C1QTNF2: variants seen among roughly 807,000 people sequenced by gnomAD.
C1QTNF2 encodes the protein C1q and TNF related 2.
C1QTNF2 carries 15 observed loss-of-function variants against 17.4 expected under a neutral mutation model. The observed-to-expected ratio is 0.86, with a 90% CI of 0.58 to 1.33. The LOEUF is 1.33. C1QTNF2 is among the 40% of genes most tolerant of loss of function. The pLI is 0.00. For missense variants in C1QTNF2, 381 were observed against 392.3 expected (o/e 0.97, Z 0.24); for synonymous variants, 154 against 163.3 (o/e 0.94, Z 0.44).
In C1QTNF2 at chr5:160,349,846, G is replaced by A. The variant is rs1167665720; in HGVS notation, c.245-65C>T. The A allele has an allele frequency of 1.5e-5, 23 of 1,484,208 alleles. No individual in the cohort carries two copies. The highest frequency in any genetic ancestry group is 1.8e-4 in the Middle Eastern group (1 of 5,574). 91.9% of individuals were successfully genotyped at this position (1,484,208 alleles called of 1,614,324 possible). ...AGACCTAGGCAGAGGGGTGCGGTGC[G>A]GCTTGGTCTTCCAATCTTGGAGAAG... is the stretch of plus-strand genomic sequence containing the variant. On this transcript the variant is annotated intron_variant, in intron 2 of 2. Coordinates refer to ENST00000652664, the MANE Select transcript of C1QTNF2 (RefSeq NM_031908.6). The surrounding 1 kb of genome is among the most constrained non-coding windows in gnomAD (Gnocchi z 4.3).
At chr5:160,368,696 C>A (rs1052477276) in intron 1 of C1QTNF2, among the ~76,000 whole-genome samples, 3 of 152,132 alleles carry the variant, frequency 2.0e-5, no homozygotes, top group South Asian at 4.2e-4. Flanking sequence ...GACTCTGTTA[C>A]CCCACAGTGA....
At position 160,355,227 on chromosome 5, in the gene C1QTNF2, C is replaced by T. The variant is rs1025531290; in HGVS notation, c.-9-207G>A. 3 of 984,874 alleles carry T rather than the reference C, an allele frequency of 3.0e-6. No individual in the cohort carries two copies. In the African/African-American group the frequency reaches 5.3e-5, roughly 17 times the overall value. 61.0% of individuals were successfully genotyped at this position (984,874 alleles called of 1,614,324 possible). On this transcript the variant is annotated intron_variant, in intron 1 of 2. Coordinates refer to ENST00000652664, the MANE Select transcript of C1QTNF2 (RefSeq NM_031908.6). ...ATATTTGGGTGAGTGGAGTCATTAC[C>T]CAGAATACACTTCGAAGGGGTCTCG...
At chr5:160,355,343 G>T in intron 1 of C1QTNF2, 1 of 587,824 alleles carries the variant, frequency 1.7e-6, no homozygotes, top group Non-Finnish European at 2.1e-6. Context: ...ACTGGGAGGA[G>T]CTGTGAATGG....
rs368429481 is a variant in C1QTNF2 at position 160,364,735 on chromosome 5, CT to C, written c.-10+5776del. 4.4e-3 allele frequency among the ~76,000 whole-genome samples: 665 copies of C among 152,260 alleles called. 6 individuals carry two copies. Among genetic ancestry groups the C allele is most frequent in the African/African-American group, 0.015 (637 of 41,536 alleles). On this transcript the variant is annotated intron_variant, in intron 1 of 2. Transcript: ENST00000652664. ...AAAAAAAGTCCTAGGGAGGCTGGGC[CT>C]TTTTTCCTGCCTTGCTGTTTCTGCT... is the stretch of plus-strand genomic sequence containing the variant.
At chr5:160,368,001 GA>G (rs1312174174) in intron 1 of C1QTNF2, among the ~76,000 whole-genome samples, 10 of 152,150 alleles carry the variant, frequency 6.6e-5, no homozygotes, top group Non-Finnish European at 1.3e-4. Flanking sequence ...TCAGAAAAGG[GA>G]AAAATTACTT....
At chr5:160,353,951 A>C (rs1433457272) in intron 2 of C1QTNF2, among the ~76,000 whole-genome samples, 2 of 151,688 alleles carry the variant, frequency 1.3e-5, no homozygotes, top group Non-Finnish European at 2.9e-5. Context: ...TTACAGGCAT[A>C]CACCACCAGA....
chr5:160,360,512 G>A (rs977179985), intron 1 of C1QTNF2, among the ~76,000 whole-genome samples: 1 of 152,160 alleles, frequency 6.6e-6, no homozygotes, highest in Non-Finnish European at 1.5e-5. Context: ...TAGGGGCTAG[G>A]TTGTTCCCTC....
chr5:160,364,227 C>T (rs529194109), intron 1 of C1QTNF2, among the ~76,000 whole-genome samples: 15 of 152,300 alleles, frequency 9.8e-5, no homozygotes, highest in African/African-American at 3.4e-4. Flanking sequence ...CTGGAGCATT[C>T]CAAGTCTCCA....
intron 1 of C1QTNF2, among the ~76,000 whole-genome samples, chr5:160,364,050 G>A (rs1764203810): frequency 6.6e-6 from 1 of 152,094 alleles, no homozygotes; most frequent in Non-Finnish European, 1.5e-5. Flanking sequence ...AAAAGAAACA[G>A]GTGAAATTAA....
intron 1 of C1QTNF2, among the ~76,000 whole-genome samples, chr5:160,365,675 G>A (rs751927502): frequency 3.3e-5 from 5 of 152,186 alleles, no homozygotes; most frequent in Admixed American, 1.3e-4. Flanking sequence ...GTTTGACCTT[G>A]GGCCAAGTTA....
chr5:160,365,356 C>T (rs1274875143), intron 1 of C1QTNF2, among the ~76,000 whole-genome samples: 1 of 152,084 alleles, frequency 6.6e-6, no homozygotes, highest in Non-Finnish European at 1.5e-5. Context: ...CTGGGTGAAC[C>T]CAAGAACTTC....
rs887848346 is a variant in C1QTNF2 at position 160,349,956 on chromosome 5, T to C, written c.245-175A>G. Among the ~76,000 whole-genome samples the C allele has an allele frequency of 4.6e-5, 7 of 152,042 alleles. No homozygotes were observed. Among genetic ancestry groups the C allele is most frequent in the Admixed American group, 3.9e-4 (6 of 15,264 alleles). On this transcript the variant is annotated intron_variant, in intron 2 of 2. Coordinates refer to ENST00000652664, the MANE Select transcript of C1QTNF2 (RefSeq NM_031908.6). This position sits in a 1 kb window ranked among gnomAD's most constrained non-coding sequence, Gnocchi z 4.3. ...ATCCTAATGCTAGCTCTCTGGAAAA[T>C]GGAAATGATGATACTTACCTTCAAG...
chr5:160,349,139 TC>T lies in C1QTNF2; in HGVS notation c.*28del. On this transcript the variant is annotated 3_prime_UTR_variant, in exon 3 of 3. Transcript: ENST00000652664. This position sits in a 1 kb window ranked among gnomAD's most constrained non-coding sequence, Gnocchi z 4.3. ...TGTAAGCCCAAGTCCAGAAGCTTGTTCCCTGCCTGGAGGACCGCCGTGGCAT... is the reference window on the plus strand; with the variant it reads ...TGTAAGCCCAAGTCCAGAAGCTTGTTCCTGCCTGGAGGACCGCCGTGGCAT... The T allele has an allele frequency of 6.3e-7, 1 of 1,583,386 alleles. No homozygotes were observed. The highest frequency in any genetic ancestry group is 8.6e-7 in the Non-Finnish European group (1 of 1,163,922).
intron 1 of C1QTNF2, among the ~76,000 whole-genome samples, chr5:160,369,060 T>TAA (rs34894197): frequency 6.8e-6 from 1 of 146,808 alleles, no homozygotes; most frequent in African/African-American, 2.5e-5. Context: ...TCTTTGAGTT[T>TAA]AAAAAAAAAA....
At chr5:160,361,809 C>T (rs1764158780) in intron 1 of C1QTNF2, among the ~76,000 whole-genome samples, 1 of 152,194 alleles carries the variant, frequency 6.6e-6, no homozygotes, top group South Asian at 2.1e-4. Context: ...TCAGAGAGAC[C>T]TGCCCTGATC....
intron 1 of C1QTNF2, among the ~76,000 whole-genome samples, chr5:160,357,271 AG>A (rs1764068419): frequency 1.3e-5 from 2 of 152,198 alleles, no homozygotes; most frequent in Admixed American, 1.3e-4. Context: ...GTTGCCTGGG[AG>A]TGGAGACTTC....
intron 1 of C1QTNF2, among the ~76,000 whole-genome samples, chr5:160,355,700 C>T (rs999541432): frequency 1.3e-5 from 2 of 152,226 alleles, no homozygotes; most frequent in South Asian, 2.1e-4. Flanking sequence ...GTCTACATCA[C>T]GCTTTTCCAA....
chr5:160,354,595 AAAGTATATAT>A (rs70990729), intron 2 of C1QTNF2, among the ~76,000 whole-genome samples, 163 bp downstream of exon 2: 1,081 of 32,734 alleles, frequency 0.033, 24 homozygotes, highest in South Asian at 0.063. Flanking sequence ...AAAAAAAAAA[AAAGTATATAT>A]ATATATATAT....
intron 2 of C1QTNF2, among the ~76,000 whole-genome samples, chr5:160,353,788 C>CT (rs200777932): frequency 0.012 from 1,046 of 85,874 alleles, 152 homozygotes; most frequent in Admixed American, 0.025. Flanking sequence ...ACTTCTCAGG[C>CT]TTTTTTTTTT....
Sources: gnomAD v4.1 joint callset for allele counts (sites outside exome capture counted in the v4.1 genomes callset) on GRCh38, gnomAD v4.1.1 for gene constraint, Gnocchi (gnomAD v3.1) non-coding constraint, MANE v1.5 for transcripts, NCBI Gene and HGNC (gene_info 2026-07-23, HGNC 2026-07-21) for gene names.